NR5A2: variants seen among roughly 807,000 people sequenced by gnomAD.
NR5A2 encodes the protein nuclear receptor subfamily 5 group A member 2.
NR5A2 carries 26 observed loss-of-function variants against 62.7 expected under a neutral mutation model. The observed-to-expected ratio is 0.41, with a 90% confidence interval of 0.30 to 0.58. The LOEUF (loss-of-function observed/expected upper bound fraction) is 0.58, where lower values mean the gene tolerates loss of function less well. NR5A2 is among the 20% of genes least tolerant of loss of function. The probability of loss-of-function intolerance (pLI) is 0.22; values close to 1 mark genes in which losing one functional copy is unlikely to be tolerated. For missense variants in NR5A2, 541 were observed against 669.1 expected, an observed-to-expected ratio of 0.81 and a Z score of 2.11; for synonymous variants, 246 against 241.7, an observed-to-expected ratio of 1.02 and a Z score of -0.16.
intron 7 of NR5A2, among the ~76,000 whole-genome samples, chr1:200,159,088 T>C (rs984174006): frequency 1.3e-5 from 2 of 151,726 alleles, no homozygotes; most frequent in Non-Finnish European, 2.9e-5. Context: ...CAAAATGGGA[T>C]CTCACTATAT....
intron 7 of NR5A2, among the ~76,000 whole-genome samples, chr1:200,138,741 C>T (rs1331673678): frequency 2.0e-5 from 3 of 152,136 alleles, no homozygotes; most frequent in African/African-American, 7.2e-5. Context: ...GTGTGGGTCT[C>T]TTTCTGGACT....
At chr1:200,105,704 C>A (rs915533747) in intron 5 of NR5A2, among the ~76,000 whole-genome samples, 1 of 152,154 alleles carries the variant, frequency 6.6e-6, no homozygotes. Context: ...ATAGTCCCAG[C>A]ACTTTGGAAC....
intron 5 of NR5A2, among the ~76,000 whole-genome samples, chr1:200,071,616 A>C (rs1333812584): frequency 6.6e-6 from 1 of 152,208 alleles, no homozygotes; most frequent in Non-Finnish European, 1.5e-5. Context: ...TAGAGCAGAG[A>C]GGTAAAAAAT....
chr1:200,098,527 T>C (rs1665207566), intron 5 of NR5A2, among the ~76,000 whole-genome samples: 1 of 152,238 alleles, frequency 6.6e-6, no homozygotes, highest in Admixed American at 6.5e-5. Flanking sequence ...GAAAGAGGCA[T>C]AGTGAAAGAG....
At chr1:200,112,629 A>T (rs528142317) in intron 6 of NR5A2, among the ~76,000 whole-genome samples, 21 of 152,376 alleles carry the variant, frequency 1.4e-4, no homozygotes, top group African/African-American at 4.8e-4. Flanking sequence ...GGTCAATTCA[A>T]GCATCTCCAT....
intron 7 of NR5A2, among the ~76,000 whole-genome samples, chr1:200,170,639 C>T (rs962477834): frequency 1.3e-5 from 2 of 152,110 alleles, no homozygotes; most frequent in African/African-American, 2.4e-5. Flanking sequence ...AGGTCCAGTC[C>T]GCAGCATCCC....
intron 5 of NR5A2, among the ~76,000 whole-genome samples, chr1:200,108,036 A>T (rs1353977929): frequency 2.0e-5 from 3 of 151,864 alleles, no homozygotes; most frequent in Admixed American, 6.6e-5. Context: ...CATCAAATGC[A>T]AATGAAGAGG....
Position 200,039,143 on chromosome 1 carries a change from A to G in NR5A2, c.65-515A>G, listed in dbSNP as rs2821361. 0.61 allele frequency among the ~76,000 whole-genome samples: 93,336 copies of G among 151,852 alleles called. 30,300 individuals are homozygous for G. The highest frequency in any genetic ancestry group is 0.82 in the African/African-American group (33,889 of 41,452). On this transcript the variant is annotated intron_variant, in intron 1 of 7. Transcript: ENST00000367362. This position sits in a 1 kb window ranked among gnomAD's most constrained non-coding sequence, Gnocchi z 5.1. ...CCACACTTGCGATAGTGAGCAAGAG[A>G]GAGGCAGAGAGAGATAGGGGGAAGG...
At position 200,111,278 on chromosome 1, in the gene NR5A2, T is replaced by C. The variant is rs1188529154; in HGVS notation, c.1187T>C (p.Val396Ala). The stretch of plus-strand genomic sequence containing the variant: ...CTCGACCACATTTACCGACAAGTGG[T>C]ACATGGAAAGGAAGGATCCATCTTC... ...LILDHIYRQV[V>A]HGKEGSIFLV... Residue 396 changes from valine to alanine, a missense_variant, in exon 6 of 8, where the codon GTA becomes GCA. Around this residue, in one of 3 missense-constraint regions of NR5A2, gnomAD observed 379 missense variants for 442.0 expected, o/e 0.86. Coordinates refer to ENST00000367362, the MANE Select transcript of NR5A2 (RefSeq NM_205860.3). 6.2e-7 allele frequency: 1 copy of C among 1,610,104 alleles called. No individual in the cohort carries two copies. The highest frequency in any genetic ancestry group is 1.1e-5 in the South Asian group (1 of 91,000).
intron 5 of NR5A2, among the ~76,000 whole-genome samples, chr1:200,066,839 C>T (rs976244974): frequency 2.0e-5 from 3 of 152,142 alleles, no homozygotes; most frequent in Admixed American, 1.3e-4. Context: ...CTGCCCACCT[C>T]GGCCTCGGGA....
intron 7 of NR5A2, among the ~76,000 whole-genome samples, chr1:200,168,397 G>C (rs139938863): frequency 8.6e-5 from 13 of 151,836 alleles, no homozygotes; most frequent in Admixed American, 2.6e-4. Flanking sequence ...TTATTTTTAG[G>C]GGGAGACAAG....
chr1:200,039,193 G>C lies in NR5A2; in HGVS notation c.65-465G>C, dbSNP rs1661927973. On this transcript the variant is annotated intron_variant, in intron 1 of 7. Coordinates refer to ENST00000367362, the MANE Select transcript of NR5A2 (RefSeq NM_205860.3). This position sits in a 1 kb window ranked among gnomAD's most constrained non-coding sequence, Gnocchi z 5.1. ...GGGCGGAGAGGAGGGGAGAGAGAAG[G>C]GAGGCGAGAGAAAGAGGAGAGAGAC... 6.6e-6 allele frequency among the ~76,000 whole-genome samples: 1 copy of C among 152,102 alleles called. No homozygotes were observed. Among genetic ancestry groups the C allele is most frequent in the Non-Finnish European group, 1.5e-5 (1 of 68,004 alleles).
At chr1:200,052,402 T>A (rs1349245094) in intron 5 of NR5A2, among the ~76,000 whole-genome samples, 2 of 152,188 alleles carry the variant, frequency 1.3e-5, no homozygotes, top group African/African-American at 2.4e-5. Context: ...CCCAGGCTAG[T>A]CTCAAACTCC....
intron 5 of NR5A2, among the ~76,000 whole-genome samples, chr1:200,070,711 CATA>C (rs1477902318): frequency 6.6e-6 from 1 of 151,220 alleles, no homozygotes; most frequent in East Asian, 1.9e-4. Flanking sequence ...ACTGTTCCTG[CATA>C]ATAACTTTTA....
intron 7 of NR5A2, among the ~76,000 whole-genome samples, chr1:200,150,511 T>C (rs1653030754): frequency 6.6e-6 from 1 of 152,298 alleles, no homozygotes; most frequent in South Asian, 2.1e-4. Context: ...CAAACAATGC[T>C]CAAAGCTCCA....
At chr1:200,126,372 C>T (rs981529364) in intron 7 of NR5A2, among the ~76,000 whole-genome samples, 14 of 151,972 alleles carry the variant, frequency 9.2e-5, no homozygotes, top group Non-Finnish European at 2.1e-4. Context: ...AAGCAAAGTT[C>T]TTTTATCTGT....
At chr1:200,059,544 G>T (rs909697688) in intron 5 of NR5A2, among the ~76,000 whole-genome samples, 2 of 152,134 alleles carry the variant, frequency 1.3e-5, no homozygotes, top group Non-Finnish European at 2.9e-5. Context: ...TACTTCCTCA[G>T]TGTTGGGGAG....
intron 5 of NR5A2, among the ~76,000 whole-genome samples, chr1:200,065,422 C>T (rs577511448): frequency 5.9e-5 from 9 of 152,296 alleles, no homozygotes; most frequent in South Asian, 2.1e-4. Context: ...GGATTACAGG[C>T]GTGAGCCACC....
intron 7 of NR5A2, among the ~76,000 whole-genome samples, chr1:200,167,055 A>G (rs2102389467): frequency 6.6e-6 from 1 of 152,234 alleles, no homozygotes; most frequent in East Asian, 1.9e-4. Flanking sequence ...TCCCACTCCT[A>G]GGCCAGTTTT....
Sources: gnomAD v4.1 joint callset for allele counts (sites outside exome capture counted in the v4.1 genomes callset) on GRCh38, gnomAD v4.1.1 for gene constraint, gnomAD v4.1.1 regional missense constraint, Gnocchi (gnomAD v3.1) non-coding constraint, MANE v1.5 for transcripts, NCBI Gene and HGNC (gene_info 2026-07-23, HGNC 2026-07-21) for gene names.